Variants in FBXL7 observed in about 807,000 individuals in gnomAD.
FBXL7 encodes the protein F-box/LRR-repeat protein 7.
Under a neutral mutation model 38.3 loss-of-function variants are expected in FBXL7, and 12 were observed. That is an observed-to-expected ratio of 0.31 (90% CI 0.20 to 0.51). The LOEUF (loss-of-function observed/expected upper bound fraction) is 0.51. Ranked by LOEUF, FBXL7 falls within the 20% of genes least tolerant of loss-of-function variation. FBXL7 has a pLI of 0.98. For missense variants in FBXL7, 567 were observed against 676.4 expected, an observed-to-expected ratio of 0.84 and a Z score of 1.79; for synonymous variants, 297 against 300.9, an observed-to-expected ratio of 0.99 and a Z score of 0.13.
intron 2 of FBXL7, among the ~76,000 whole-genome samples, chr5:15,901,106 T>C (rs1301319269): frequency 6.6e-6 from 1 of 152,238 alleles, no homozygotes. Flanking sequence ...GCTATTAATG[T>C]ATACTCCACC....
chr5:15,659,114 G>A (rs1389032861), intron 2 of FBXL7, among the ~76,000 whole-genome samples: 1 of 152,180 alleles, frequency 6.6e-6, no homozygotes, highest in Non-Finnish European at 1.5e-5. Context: ...TCTCGGATAT[G>A]TGTTTATTAG....
chr5:15,870,189 TC>T (rs1453259895), intron 2 of FBXL7, among the ~76,000 whole-genome samples: 1 of 151,796 alleles, frequency 6.6e-6, no homozygotes, highest in African/African-American at 2.4e-5. Context: ...ACCTAAATGA[TC>T]CATGGGGGTG....
intron 2 of FBXL7, among the ~76,000 whole-genome samples, chr5:15,873,921 G>A (rs1440308973): frequency 6.6e-6 from 1 of 152,022 alleles, no homozygotes; most frequent in East Asian, 1.9e-4. Context: ...TTTTTTATGA[G>A]GCCAAAATCA....
intron 2 of FBXL7, among the ~76,000 whole-genome samples, chr5:15,808,433 A>G (rs1737773118): frequency 6.6e-6 from 1 of 152,154 alleles, no homozygotes; most frequent in South Asian, 2.1e-4. Context: ...GTTTCTTCCC[A>G]GAACCTCTTC....
intron 2 of FBXL7, among the ~76,000 whole-genome samples, chr5:15,658,900 T>C (rs1343626737): frequency 3.3e-5 from 5 of 152,148 alleles, no homozygotes; most frequent in Non-Finnish European, 7.4e-5. Flanking sequence ...TTTTGGTCTT[T>C]ACTTCTTTTT....
At chr5:15,746,056 A>G (rs1736006748) in intron 2 of FBXL7, among the ~76,000 whole-genome samples, 1 of 152,172 alleles carries the variant, frequency 6.6e-6, no homozygotes, top group African/African-American at 2.4e-5. Flanking sequence ...GATCTCTGTT[A>G]GAGCCAGAGC....
At chr5:15,874,250 G>T (rs919373750) in intron 2 of FBXL7, among the ~76,000 whole-genome samples, 1 of 152,104 alleles carries the variant, frequency 6.6e-6, no homozygotes. Flanking sequence ...CAATAAACTA[G>T]GTATTGATGA....
intron 3 of FBXL7, among the ~76,000 whole-genome samples, chr5:15,934,985 G>A (rs1742138896): frequency 6.6e-6 from 1 of 152,198 alleles, no homozygotes; most frequent in South Asian, 2.1e-4. Context: ...AGCAGGGGAT[G>A]CTAGTTTATA....
In FBXL7 at chr5:15,898,398, A is replaced by AT. The variant is rs1328200265; in HGVS notation, c.128-29491dup. The stretch of plus-strand genomic sequence containing the variant: ...GGTAGTGATATATAGGGGTAGTGCA[A>AT]TGTCAGCCAACCACGAGACTGATTG... On this transcript the variant is annotated intron_variant, in intron 2 of 3. Coordinates refer to ENST00000504595, the MANE Select transcript of FBXL7 (RefSeq NM_012304.5). 9.8e-5 allele frequency among the ~76,000 whole-genome samples: 15 copies of AT among 152,330 alleles called. 1 individual carries two copies. The highest frequency in any genetic ancestry group is 3.6e-4 in the African/African-American group (15 of 41,582).
intron 2 of FBXL7, among the ~76,000 whole-genome samples, chr5:15,751,495 G>T (rs1404749171): frequency 1.3e-5 from 2 of 152,082 alleles, no homozygotes; most frequent in East Asian, 3.9e-4. Context: ...GAAAACCCTT[G>T]GCTATGTTTG....
At chr5:15,692,991 A>G (rs986516015) in intron 2 of FBXL7, among the ~76,000 whole-genome samples, 8 of 152,130 alleles carry the variant, frequency 5.3e-5, no homozygotes, top group Admixed American at 5.2e-4. Flanking sequence ...AGTTGGAGTA[A>G]TGCTGCTTAA....
chr5:15,887,912 A>C (rs1740743825), intron 2 of FBXL7, among the ~76,000 whole-genome samples: 2 of 152,212 alleles, frequency 1.3e-5, no homozygotes, highest in Non-Finnish European at 2.9e-5. Context: ...AGTAGCTTCC[A>C]TGTTCTCTCT....
At chr5:15,538,978 AG>A (rs1340277987) in intron 1 of FBXL7, among the ~76,000 whole-genome samples, 2 of 152,226 alleles carry the variant, frequency 1.3e-5, no homozygotes, top group African/African-American at 4.8e-5. Context: ...GAGTGGTAGA[AG>A]AAAAAACTTC....
At chr5:15,583,927 C>A (rs187302801) in intron 1 of FBXL7, among the ~76,000 whole-genome samples, 1 of 152,346 alleles carries the variant, frequency 6.6e-6, no homozygotes, top group Non-Finnish European at 1.5e-5. Context: ...GACATCCAGG[C>A]ATTTCCAAAC....
At chr5:15,753,385 G>C (rs1035005909) in intron 2 of FBXL7, among the ~76,000 whole-genome samples, 1 of 152,158 alleles carries the variant, frequency 6.6e-6, no homozygotes, top group African/African-American at 2.4e-5. Flanking sequence ...TAGTATTTGT[G>C]ACTTAGCAGA....
intron 2 of FBXL7, among the ~76,000 whole-genome samples, chr5:15,674,072 C>T (rs1030579864): frequency 6.6e-6 from 1 of 152,176 alleles, no homozygotes; most frequent in Non-Finnish European, 1.5e-5. Flanking sequence ...AAAAAGAGCT[C>T]CACTACTTAC....
At chr5:15,777,719 G>GT (rs1736890947) in intron 2 of FBXL7, among the ~76,000 whole-genome samples, 1 of 38,078 alleles carries the variant, frequency 2.6e-5, no homozygotes, top group Admixed American at 3.0e-4. Flanking sequence ...CCCTATTCTG[G>GT]TAAAAAAAAA....
In FBXL7 at chr5:15,651,347, C is replaced by T. The variant is rs893280515; in HGVS notation, c.127+35275C>T. ...TCCTGACCTCATGATCTGCCCACCT[C>T]GGCCTCCAAAGTGCTGGGATTACAA... On this transcript the variant is annotated intron_variant, in intron 2 of 3. Coordinates refer to ENST00000504595, the MANE Select transcript of FBXL7 (RefSeq NM_012304.5). 1.6e-4 allele frequency among the ~76,000 whole-genome samples: 24 copies of T among 152,212 alleles called. No homozygotes were observed. In the East Asian group the frequency reaches 2.5e-3, roughly 16 times the overall value.
At chr5:15,796,611 C>T (rs1190303642) in intron 2 of FBXL7, among the ~76,000 whole-genome samples, 3 of 152,108 alleles carry the variant, frequency 2.0e-5, no homozygotes, top group South Asian at 2.1e-4. Context: ...GAGAGAAAAA[C>T]GTCAAAGCAG....
Sources: allele counts gnomAD v4.1 joint callset (sites outside exome capture counted in the v4.1 genomes callset), GRCh38; gene constraint gnomAD v4.1.1; transcripts MANE v1.5; gene names NCBI Gene and HGNC (gene_info 2026-07-23, HGNC 2026-07-21).